The following ALPK1 variants were observed in gnomAD, a reference collection of about 807,000 sequenced individuals.
The protein encoded by ALPK1 is alpha kinase 1.
ALPK1 carries 110 observed loss-of-function variants against 120.6 expected under a neutral mutation model. That is an observed-to-expected ratio of 0.91 (90% CI 0.78 to 1.07). The LOEUF (loss-of-function observed/expected upper bound fraction) is 1.07, where lower values mean the gene tolerates loss of function less well. Among genes scored for constraint, ALPK1 ranks in the 50% least tolerant of loss-of-function variants. The pLI is 0.00. For missense variants in ALPK1, 1,498 were observed against 1,483.9 expected (o/e 1.01, Z -0.16); for synonymous variants, 582 against 560.3 (o/e 1.04, Z -0.55).
chr4:112,427,919 C>T, intron 9 of ALPK1: 1 of 311,764 alleles, frequency 3.2e-6, no homozygotes, highest in Admixed American at 4.6e-5. Context: ...TGAATATCAA[C>T]AAAATGATTT....
chr4:112,395,735 G>A (rs1311950955), intron 4 of ALPK1, among the ~76,000 whole-genome samples: 1 of 152,212 alleles, frequency 6.6e-6, no homozygotes, highest in Admixed American at 6.5e-5. Flanking sequence ...CTGCTCTGAA[G>A]ATGTAGCTAG....
chr4:112,349,553 C>CCCCA (rs1730247872), intron 2 of ALPK1, among the ~76,000 whole-genome samples: 1 of 139,462 alleles, frequency 7.2e-6, no homozygotes, highest in African/African-American at 2.8e-5. Flanking sequence ...CAACCCCTGC[C>CCCCA]CCCCCCCGCT....
At chr4:112,424,378 T>A (rs1178282566) in intron 6 of ALPK1, among the ~76,000 whole-genome samples, 1 of 152,248 alleles carries the variant, frequency 6.6e-6, no homozygotes, top group East Asian at 1.9e-4. Flanking sequence ...AAGAGTCTGC[T>A]TCGGCTTTAT....
At chr4:112,397,770 A>T (rs918368041) in intron 4 of ALPK1, among the ~76,000 whole-genome samples, 2 of 152,328 alleles carry the variant, frequency 1.3e-5, no homozygotes, top group Middle Eastern at 6.8e-3. Flanking sequence ...TGAATGAATT[A>T]GAATTACATG....
chr4:112,323,365 T>C lies in ALPK1; in HGVS notation c.-101+7513T>C, dbSNP rs146860965. Among the ~76,000 whole-genome samples the C allele has an allele frequency of 5.9e-3, 892 of 152,326 alleles. 4 individuals carry two copies. The highest frequency in any genetic ancestry group is 0.011 in the Non-Finnish European group (720 of 68,034). ...GCTATATCTGAGCAGATTCAGTCTT[T>C]TATTTCAGACCTATTTGCCTGTCAT... On this transcript the variant is annotated intron_variant, in intron 2 of 15. Coordinates refer to ENST00000650871, the MANE Select transcript of ALPK1 (RefSeq NM_025144.4).
At chr4:112,336,983 T>A (rs1729646681) in intron 2 of ALPK1, among the ~76,000 whole-genome samples, 1 of 152,162 alleles carries the variant, frequency 6.6e-6, no homozygotes, top group Non-Finnish European at 1.5e-5. Flanking sequence ...AAAATGTAGT[T>A]CATATAAGTT....
chr4:112,407,297 T>C (rs1014891018), intron 4 of ALPK1, among the ~76,000 whole-genome samples: 3 of 152,324 alleles, frequency 2.0e-5, no homozygotes, highest in East Asian at 1.9e-4. Context: ...TGGCAAATTT[T>C]ATGTTATGCA....
chr4:112,426,379 T>C lies in ALPK1; in HGVS notation c.623-88T>C, dbSNP rs763300925. 5 of 993,106 alleles carry C rather than the reference T, an allele frequency of 5.0e-6. No individual in the cohort carries two copies. The East Asian group carries it at 1.0e-4, about 20-fold the overall frequency. 61.5% of individuals were successfully genotyped at this position (993,106 alleles called of 1,614,324 possible). ...GAATCTAATGAGTCTTGGTTCTGTA[T>C]TTGTTTTCAAAGGTTTTCTCTATAC... On this transcript the variant is annotated intron_variant, in intron 7 of 15. Coordinates refer to ENST00000650871, the MANE Select transcript of ALPK1 (RefSeq NM_025144.4).
chr4:112,303,087 C>T (rs969599273), intron 1 of ALPK1, among the ~76,000 whole-genome samples: 1 of 152,170 alleles, frequency 6.6e-6, no homozygotes, highest in African/African-American at 2.4e-5. Context: ...CACATCTGAT[C>T]TTCTGATCTT....
At chr4:112,324,299 C>G (rs1226676457) in intron 2 of ALPK1, among the ~76,000 whole-genome samples, 3 of 149,256 alleles carry the variant, frequency 2.0e-5, no homozygotes, top group African/African-American at 7.5e-5. Flanking sequence ...TGCACTCCAG[C>G]CTGGGTGACA....
chr4:112,352,838 ATTTG>A (rs1003560470), intron 2 of ALPK1: 1 of 151,836 alleles, frequency 6.6e-6, no homozygotes, highest in African/African-American at 2.4e-5. Context: ...TAAGTTATTC[ATTTG>A]TTTATTTTTT....
intron 2 of ALPK1, among the ~76,000 whole-genome samples, chr4:112,320,958 G>A (rs1225774265): frequency 1.4e-5 from 2 of 145,038 alleles, no homozygotes; most frequent in Admixed American, 7.0e-5. Context: ...GTGCAGTGGC[G>A]CGAGCTTGGA....
At position 112,425,686 on chromosome 4, in the gene ALPK1, A is replaced by T; in HGVS notation, c.557A>T (p.Glu186Val). 1.2e-6 allele frequency: 2 copies of T among 1,613,186 alleles called. No individual in the cohort carries two copies. The highest frequency in any genetic ancestry group is 1.7e-6 in the Non-Finnish European group (2 of 1,179,254). The change falls in exon 7 of 16, where the codon GAA becomes GTA. Residue 186 changes from glutamate (E) to valine (V), a missense_variant. Transcript: ENST00000650871. ...TTAGGTACCTGGCTGTACAGAAATGAAAGTGACAAGGTCCTGGTGCAGTCG... is the reference window on the plus strand; with the variant it reads ...TTAGGTACCTGGCTGTACAGAAATGTAAGTGACAAGGTCCTGGTGCAGTCG... ...GATGTWLYRN[E>V]SDKVLVQSVC...
At chr4:112,412,561 AAAG>A (rs1315860327) in intron 5 of ALPK1, 1 of 428,520 alleles carries the variant, frequency 2.3e-6, no homozygotes, top group African/African-American at 2.1e-5. Context: ...ATGAAATGAA[AAAG>A]GAGGCTGACA....
At chr4:112,305,913 A>G (rs10440335) in intron 1 of ALPK1, among the ~76,000 whole-genome samples, 74,138 of 151,752 alleles carry the variant, frequency 0.49, 21,390 homozygotes, top group African/African-American at 0.78. Context: ...ATTATTTTGC[A>G]ATACATCCCA....
intron 2 of ALPK1, chr4:112,316,081 A>G (rs1440579668): frequency 1.3e-5 from 2 of 152,234 alleles, no homozygotes; most frequent in Non-Finnish European, 2.9e-5. Context: ...TTAAGTGCAC[A>G]TTTCAATGGT....
chr4:112,299,562 C>T (rs1362308913), intron 1 of ALPK1, among the ~76,000 whole-genome samples: 5 of 152,048 alleles, frequency 3.3e-5, no homozygotes, highest in Admixed American at 2.6e-4. Context: ...ATGAAGATGG[C>T]ATGCAAATGG....
intron 2 of ALPK1, among the ~76,000 whole-genome samples, chr4:112,351,467 G>T (rs1730350771): frequency 6.7e-6 from 1 of 148,292 alleles, no homozygotes; most frequent in African/African-American, 2.5e-5. Flanking sequence ...AAAAAAATCA[G>T]ACACTTCTTT....
intron 4 of ALPK1, among the ~76,000 whole-genome samples, chr4:112,386,580 G>A (rs1468161029): frequency 6.6e-6 from 1 of 152,154 alleles, no homozygotes; most frequent in African/African-American, 2.4e-5. Flanking sequence ...CCTCATGCTA[G>A]TTTCAGTCTA....
Sources: gnomAD v4.1 joint callset for allele counts (sites outside exome capture counted in the v4.1 genomes callset) on GRCh38, gnomAD v4.1.1 for gene constraint, MANE v1.5 for transcripts, NCBI Gene and HGNC (gene_info 2026-07-23, HGNC 2026-07-21) for gene names.